The following QKI variants were observed in gnomAD, a reference collection of about 807,000 sequenced individuals.
QKI encodes the protein QKI, KH domain containing RNA binding.
A neutral mutation model predicts 39.0 loss-of-function variants in QKI; 10 were observed. That is an observed-to-expected ratio of 0.26 (90% CI 0.16 to 0.43). The LOEUF (loss-of-function observed/expected upper bound fraction) is 0.43. Among genes scored for constraint, QKI ranks in the 20% least tolerant of loss-of-function variants. QKI has a pLI of 1.00. For missense variants in QKI, 218 were observed against 428.0 expected (o/e 0.51, Z 4.33); for synonymous variants, 204 against 155.4 (o/e 1.31, Z -2.33).
chr6:163,577,519 C>G lies in QKI; in HGVS notation c.*6809C>G, dbSNP rs545232518. The G allele has an allele frequency of 1.3e-5, 2 of 152,202 alleles. No individual in the cohort carries two copies. The highest frequency in any genetic ancestry group is 2.4e-5 in the African/African-American group (1 of 41,306). 9.4% of individuals were successfully genotyped at this position (152,202 alleles called of 1,614,324 possible). ...ACATGTATTCTTAACATAGTAGGCACCAGCTGAAACTGAGTAATTAAACGG... is the reference window on the plus strand; with the variant it reads ...ACATGTATTCTTAACATAGTAGGCAGCAGCTGAAACTGAGTAATTAAACGG... On this transcript the variant is annotated 3_prime_UTR_variant, in exon 8 of 8. Coordinates refer to ENST00000361752, the MANE Select transcript of QKI (RefSeq NM_006775.3).
At chr6:163,569,818 T>G (rs1783597580) in intron 7 of QKI, 2 of 987,580 alleles carry the variant, frequency 2.0e-6, no homozygotes, top group Admixed American at 1.2e-4. Flanking sequence ...CTGTTTGTAG[T>G]TTTAAAATGC....
chr6:163,565,905 C>T, intron 6 of QKI: 1 of 1,612,522 alleles, frequency 6.2e-7, no homozygotes, highest in South Asian at 1.1e-5. Flanking sequence ...ATCAAGTCTT[C>T]ATTGATGACT....
chr6:163,440,884 A>T (rs911331567), intron 1 of QKI, among the ~76,000 whole-genome samples: 55 of 145,500 alleles, frequency 3.8e-4, no homozygotes, highest in Admixed American at 6.8e-4. Flanking sequence ...TTTTTTTTTT[A>T]AAACAGGTTA....
chr6:163,568,713 T>C (rs992889277), intron 7 of QKI: 3 of 985,426 alleles, frequency 3.0e-6, no homozygotes, highest in South Asian at 4.7e-5. Flanking sequence ...CTTGGACATA[T>C]AACCATGTAA....
At chr6:163,509,847 T>G (rs973655423) in intron 3 of QKI, among the ~76,000 whole-genome samples, 1 of 152,088 alleles carries the variant, frequency 6.6e-6, no homozygotes, top group African/African-American at 2.4e-5. Flanking sequence ...CATTCAAAAA[T>G]TCCATTAAAT....
chr6:163,491,875 C>T lies in QKI; in HGVS notation c.402+12979C>T, dbSNP rs573271904. Among the ~76,000 whole-genome samples the T allele has an allele frequency of 2.0e-5, 3 of 152,256 alleles. No homozygotes were observed. The South Asian group carries it at 6.2e-4, about 32-fold the overall frequency. The stretch of plus-strand genomic sequence containing the variant: ...TGTAAAACTTCATCTCATTACTCAG[C>T]CATAGATATAACTCCAGGATGAGTT... On this transcript the variant is annotated intron_variant, in intron 3 of 7. Coordinates refer to ENST00000361752, the MANE Select transcript of QKI (RefSeq NM_006775.3).
At chr6:163,417,848 T>G (rs1045481174) in intron 1 of QKI, among the ~76,000 whole-genome samples, 1 of 152,212 alleles carries the variant, frequency 6.6e-6, no homozygotes, top group Non-Finnish European at 1.5e-5. Context: ...GATTGTTTTT[T>G]ATCAGACCAG....
intron 3 of QKI, among the ~76,000 whole-genome samples, chr6:163,500,651 G>A (rs751964151): frequency 3.3e-5 from 5 of 151,994 alleles, no homozygotes; most frequent in Non-Finnish European, 2.9e-5. Context: ...ATTTTCTGAC[G>A]TAGAGGAGCA....
At chr6:163,531,468 C>CT (rs1234532804) in intron 3 of QKI, among the ~76,000 whole-genome samples, 7 of 152,278 alleles carry the variant, frequency 4.6e-5, no homozygotes, top group Non-Finnish European at 1.0e-4. Context: ...GAGAGTTCAT[C>CT]TAGTCCTGCA....
intron 2 of QKI, among the ~76,000 whole-genome samples, chr6:163,464,575 T>G (rs920656298): frequency 5.3e-5 from 8 of 151,844 alleles, no homozygotes; most frequent in Admixed American, 2.0e-4. Flanking sequence ...TGCCAAAAAA[T>G]TGAACAAACT....
intron 3 of QKI, among the ~76,000 whole-genome samples, chr6:163,532,067 G>T (rs1375165867): frequency 6.6e-6 from 1 of 152,120 alleles, no homozygotes; most frequent in Non-Finnish European, 1.5e-5. Context: ...ATGTATTCTT[G>T]CAATAAAGCA....
rs1033450113 is a variant in QKI, at chr6:163,576,034, C to G, written c.*5324C>G. Reference sequence around the variant, plus strand: ...TAGCAAAAATTATTCTCCAACTTTTCGAATTCACAATTTTTCTAAGTGCAT... The same window carrying G: ...TAGCAAAAATTATTCTCCAACTTTTGGAATTCACAATTTTTCTAAGTGCAT... On this transcript the variant is annotated 3_prime_UTR_variant, in exon 8 of 8. Coordinates refer to ENST00000361752, the MANE Select transcript of QKI (RefSeq NM_006775.3). 1.1e-4 allele frequency: 16 copies of G among 152,068 alleles called. No individual in the cohort carries two copies. Among genetic ancestry groups the G allele is most frequent in the Admixed American group, 7.9e-4 (12 of 15,252 alleles). 9.4% of individuals were successfully genotyped at this position (152,068 alleles called of 1,614,324 possible). A position where few individuals can be genotyped will look rare whatever the true frequency, so the allele number is the denominator to read the frequency against.
At chr6:163,550,819 G>A (rs570321192) in intron 4 of QKI, among the ~76,000 whole-genome samples, 13 of 151,974 alleles carry the variant, frequency 8.6e-5, no homozygotes, top group African/African-American at 2.4e-4. Flanking sequence ...GGTGGTGGGC[G>A]CCTGTAGTCC....
At chr6:163,502,976 A>C (rs768289435) in intron 3 of QKI, among the ~76,000 whole-genome samples, 4 of 151,964 alleles carry the variant, frequency 2.6e-5, no homozygotes, top group Non-Finnish European at 5.9e-5. Context: ...CAGTATATAA[A>C]TGTTCTCTTT....
At position 163,572,276 on chromosome 6, in the gene QKI, TG is replaced by T. The variant is rs1783736249; in HGVS notation, c.*1567del. The stretch of plus-strand genomic sequence containing the variant: ...GATGCATTCATTTGATTTTGTTTTT[TG>T]TTTTTAATTAATTGAATATAATAGG... On this transcript the variant is annotated 3_prime_UTR_variant, in exon 8 of 8. Coordinates refer to ENST00000361752, the MANE Select transcript of QKI (RefSeq NM_006775.3). 1 of 152,236 alleles carries T rather than the reference TG, an allele frequency of 6.6e-6. No individual in the cohort carries two copies. Among genetic ancestry groups the T allele is most frequent in the Non-Finnish European group, 1.5e-5 (1 of 68,030 alleles). 9.4% of individuals were successfully genotyped at this position (152,236 alleles called of 1,614,324 possible). A position where few individuals can be genotyped will look rare whatever the true frequency, so the allele number is the denominator to read the frequency against.
chr6:163,476,103 G>C (rs1022086222), intron 2 of QKI, among the ~76,000 whole-genome samples: 1 of 152,114 alleles, frequency 6.6e-6, no homozygotes, highest in South Asian at 2.1e-4. Context: ...AGCTTCATTA[G>C]TAGTCAGAGG....
In QKI at chr6:163,474,757, C is replaced by T. The variant is rs117681077; in HGVS notation, c.286-4023C>T. Among the ~76,000 whole-genome samples the T allele has an allele frequency of 3.9e-3, 490 of 126,634 alleles. 3 individuals are homozygous for T. The highest frequency in any genetic ancestry group is 0.019 in the Middle Eastern group (4 of 206). 83.1% of individuals were successfully genotyped at this position (126,634 alleles called of 152,430 possible). A position where few individuals can be genotyped will look rare whatever the true frequency, so the allele number is the denominator to read the frequency against. ...GGAATTTTGAGATCAGCCTGGGCAA[C>T]GTAGTGAGACCTGATGTCTACAAAA... On this transcript the variant is annotated intron_variant, in intron 2 of 7. Transcript: ENST00000361752.
chr6:163,511,685 C>T (rs1779490423), intron 3 of QKI, among the ~76,000 whole-genome samples: 1 of 151,602 alleles, frequency 6.6e-6, no homozygotes, highest in African/African-American at 2.4e-5. Flanking sequence ...ATTAGAGAAG[C>T]TGAATTTGCA....
intron 1 of QKI, among the ~76,000 whole-genome samples, chr6:163,432,325 A>G (rs1373863459): frequency 2.6e-5 from 4 of 152,152 alleles, no homozygotes; most frequent in Non-Finnish European, 5.9e-5. Context: ...TCTAGGAACA[A>G]TTCACTGAAT....
Sources: gnomAD v4.1 joint callset for allele counts (sites outside exome capture counted in the v4.1 genomes callset) on GRCh38, gnomAD v4.1.1 for gene constraint, MANE v1.5 for transcripts, NCBI Gene and HGNC (gene_info 2026-07-23, HGNC 2026-07-21) for gene names.